The following ATP8B4 variants were observed in gnomAD, a reference collection of about 807,000 sequenced individuals.
ATP8B4 encodes the protein ATPase phospholipid transporting 8B4 (putative).
Under a neutral mutation model 145.6 loss-of-function variants are expected in ATP8B4, and 133 were observed. The observed-to-expected ratio is 0.91, with a 90% CI of 0.79 to 1.05. ATP8B4 has a LOEUF of 1.05. Among genes scored for constraint, ATP8B4 ranks in the 50% least tolerant of loss-of-function variants. The probability of loss-of-function intolerance (pLI) is 0.00; values close to 1 mark genes in which losing one functional copy is unlikely to be tolerated. For synonymous variants in ATP8B4, 507 were observed against 492.9 expected (o/e 1.03, Z -0.38); for missense variants, 1,458 against 1,425.2 (o/e 1.02, Z -0.37).
chr15:50,038,712 G>C, intron 6 of ATP8B4, 56 bp downstream of exon 6: 3 of 1,330,918 alleles, frequency 2.3e-6, no homozygotes, highest in Non-Finnish European at 3.2e-6. Flanking sequence ...CAATCGTCAA[G>C]AGCTGTTTCA....
intron 20 of ATP8B4, among the ~76,000 whole-genome samples, chr15:49,912,386 G>T (rs1288182207): frequency 6.6e-6 from 1 of 152,056 alleles, no homozygotes; most frequent in Non-Finnish European, 1.5e-5. Context: ...AAGACTTTAA[G>T]AACAACTATA....
chr15:50,041,663 G>T lies in ATP8B4; in HGVS notation c.301-2834C>A, dbSNP rs182228877. On this transcript the variant is annotated intron_variant, in intron 5 of 27. Coordinates refer to ENST00000284509, the MANE Select transcript of ATP8B4 (RefSeq NM_024837.4). ...CCTATGTGTTTGTTAAAAATCTGGG[G>T]CCAGGCATGGTGGCTCATGCCTGTA... 3.4e-4 allele frequency among the ~76,000 whole-genome samples: 52 copies of T among 152,262 alleles called. No homozygotes were observed. The East Asian group carries it at 8.3e-3, about 24-fold the overall frequency.
intron 1 of ATP8B4, among the ~76,000 whole-genome samples, chr15:50,158,613 G>A (rs1220632422): frequency 6.6e-6 from 1 of 152,268 alleles, no homozygotes; most frequent in African/African-American, 2.4e-5. Flanking sequence ...ATACCCAACA[G>A]CTCATTGAGA....
At chr15:49,870,532 T>C (rs2033528062) in intron 25 of ATP8B4, among the ~76,000 whole-genome samples, 1 of 152,204 alleles carries the variant, frequency 6.6e-6, no homozygotes, top group South Asian at 2.1e-4. Flanking sequence ...GATTTATAAC[T>C]GTAATTACAG....
chr15:49,883,744 CAATA>C (rs370370900), intron 23 of ATP8B4, among the ~76,000 whole-genome samples: 244 of 151,848 alleles, frequency 1.6e-3, no homozygotes, highest in African/African-American at 5.7e-3. Flanking sequence ...CTCATGTACC[CAATA>C]AATACATATA....
At chr15:49,913,559 T>C (rs941844643) in intron 20 of ATP8B4, among the ~76,000 whole-genome samples, 6 of 152,238 alleles carry the variant, frequency 3.9e-5, no homozygotes, top group Middle Eastern at 6.8e-3. Context: ...GCCATCCAAA[T>C]TGAAAAATAG....
chr15:50,070,869 T>C (rs1644835188), intron 3 of ATP8B4, among the ~76,000 whole-genome samples: 1 of 152,158 alleles, frequency 6.6e-6, no homozygotes, highest in Admixed American at 6.5e-5. Context: ...GCCTCTTGTG[T>C]AGCTGGACTA....
chr15:50,031,529 T>C (rs1380441726), intron 6 of ATP8B4, among the ~76,000 whole-genome samples: 1 of 151,880 alleles, frequency 6.6e-6, no homozygotes, highest in African/African-American at 2.4e-5. Flanking sequence ...ACACTAAATG[T>C]GTGTAAGCTG....
intron 1 of ATP8B4, among the ~76,000 whole-genome samples, chr15:50,135,251 T>C (rs888559045): frequency 6.6e-6 from 1 of 152,204 alleles, no homozygotes; most frequent in Non-Finnish European, 1.5e-5. Context: ...AAATATTTAG[T>C]GTGACAAATT....
chr15:50,065,409 C>G (rs1276005734), intron 3 of ATP8B4, among the ~76,000 whole-genome samples: 1 of 152,030 alleles, frequency 6.6e-6, no homozygotes, highest in Non-Finnish European at 1.5e-5. Flanking sequence ...TTCCCAGAAC[C>G]AGACCATTTG....
chr15:49,988,445 G>C (rs2046805326), intron 9 of ATP8B4, among the ~76,000 whole-genome samples: 2 of 152,050 alleles, frequency 1.3e-5, no homozygotes, highest in South Asian at 4.1e-4. Flanking sequence ...TGGAGGGAGA[G>C]AGGGACAGAG....
intron 20 of ATP8B4, among the ~76,000 whole-genome samples, chr15:49,903,429 T>C (rs1013204343): frequency 6.6e-6 from 1 of 152,216 alleles, no homozygotes; most frequent in Non-Finnish European, 1.5e-5. Context: ...CAGAATCGCA[T>C]TAACAGTTGA....
intron 1 of ATP8B4, among the ~76,000 whole-genome samples, chr15:50,147,167 G>A (rs1176370911): frequency 1.3e-5 from 2 of 152,134 alleles, no homozygotes; most frequent in African/African-American, 2.4e-5. Context: ...TGTAATCCCA[G>A]CACTTGGGGA....
chr15:50,088,146 A>C (rs1038051199), intron 2 of ATP8B4, among the ~76,000 whole-genome samples: 1 of 152,070 alleles, frequency 6.6e-6, no homozygotes, highest in Non-Finnish European at 1.5e-5. Context: ...CCAGCACTTT[A>C]GGAGGCCAAG....
At chr15:49,911,658 G>T (rs1425824920) in intron 20 of ATP8B4, among the ~76,000 whole-genome samples, 1 of 152,078 alleles carries the variant, frequency 6.6e-6, no homozygotes, top group African/African-American at 2.4e-5. Context: ...AAGAACATTA[G>T]ATTTAAACTG....
At chr15:50,095,140 G>A (rs1202666544) in intron 2 of ATP8B4, among the ~76,000 whole-genome samples, 2 of 152,072 alleles carry the variant, frequency 1.3e-5, no homozygotes, top group Non-Finnish European at 2.9e-5. Context: ...ACATGTTGCA[G>A]GGTCAAAAAT....
chr15:49,923,071 G>A (rs1461927100), intron 17 of ATP8B4, among the ~76,000 whole-genome samples: 1 of 152,190 alleles, frequency 6.6e-6, no homozygotes, highest in Non-Finnish European at 1.5e-5. Context: ...AGTCTTCCAA[G>A]AGGAGCAACA....
Position 49,876,531 on chromosome 15 carries a change from CAG to C in ATP8B4, c.2782-10_2782-9del. On this transcript the variant is annotated splice_polypyrimidine_tract_variant and intron_variant, in intron 24 of 27. Coordinates refer to ENST00000284509, the MANE Select transcript of ATP8B4 (RefSeq NM_024837.4). ...GTTCTGGTCACTCACATCCTGTAAA[CAG>C]AGTGTAATTTCAGTGGAGAAGGATT... 1 of 1,613,774 alleles carries C rather than the reference CAG, an allele frequency of 6.2e-7. No homozygotes were observed. The highest frequency in any genetic ancestry group is 8.5e-7 in the Non-Finnish European group (1 of 1,179,772).
At chr15:50,147,567 C>A (rs756645320) in intron 1 of ATP8B4, among the ~76,000 whole-genome samples, 1 of 152,080 alleles carries the variant, frequency 6.6e-6, no homozygotes, top group Non-Finnish European at 1.5e-5. Flanking sequence ...CAGGATCCCA[C>A]GGAGAAATGG....
Sources: allele counts gnomAD v4.1 joint callset (sites outside exome capture counted in the v4.1 genomes callset), GRCh38; gene constraint gnomAD v4.1.1; transcripts MANE v1.5; gene names NCBI Gene and HGNC (gene_info 2026-07-23, HGNC 2026-07-21).